Variants in PPA1 observed in about 807,000 individuals in gnomAD.
PPA1 encodes the protein inorganic pyrophosphatase 1, also known as inorganic pyrophosphatase.
A neutral mutation model predicts 41.8 loss-of-function variants in PPA1; 23 were observed. The ratio of observed to expected loss-of-function variants is 0.55; its 90% CI spans 0.40 to 0.78. PPA1 has a LOEUF of 0.78. Ranked by LOEUF, PPA1 falls within the 30% of genes least tolerant of loss-of-function variation. The probability of loss-of-function intolerance (pLI) is 0.00; values close to 1 mark genes in which losing one functional copy is unlikely to be tolerated. For synonymous variants in PPA1, 101 were observed against 116.8 expected (o/e 0.86, Z 0.87); for missense variants, 320 against 361.6 (o/e 0.89, Z 0.93).
chr10:70,216,976 G>A (rs1840088004), intron 4 of PPA1, among the ~76,000 whole-genome samples: 1 of 152,018 alleles, frequency 6.6e-6, no homozygotes, highest in Admixed American at 6.6e-5. Flanking sequence ...AGACCATCTG[G>A]CTAACACAGT....
chr10:70,213,930 A>G (rs1840049679), intron 5 of PPA1, among the ~76,000 whole-genome samples: 1 of 152,234 alleles, frequency 6.6e-6, no homozygotes, highest in African/African-American at 2.4e-5. Flanking sequence ...TTTATTTTAT[A>G]AAAGTCATGA....
At position 70,209,288 on chromosome 10, in the gene PPA1, G is replaced by A; in HGVS notation, c.642C>T (p.Asp214=). The A allele has an allele frequency of 6.3e-7, 1 of 1,579,872 alleles. No homozygotes were observed. The highest frequency in any genetic ancestry group is 8.7e-7 in the Non-Finnish European group (1 of 1,151,788). ...FAFNAEFKDK[D]FAIDIIKSTH... ...TGCTTTTAATAATATCAATGGCAAA[G>A]TCCTATAATTTGAAGAGGTTTGCAT... Residue 214 remains aspartate, a splice_region_variant and synonymous_variant, in exon 8 of 11, where the codon GAC becomes GAT. Coordinates refer to ENST00000373232, the MANE Select transcript of PPA1 (RefSeq NM_021129.4).
chr10:70,213,758 C>T (rs1840047726), intron 5 of PPA1, among the ~76,000 whole-genome samples, 169 bp from the exon 6 acceptor site: 1 of 151,982 alleles, frequency 6.6e-6, no homozygotes, highest in Non-Finnish European at 1.5e-5. Context: ...TTTCATCAGT[C>T]CTATTAAAGT....
At chr10:70,213,073 G>A (rs973776117) in intron 6 of PPA1, among the ~76,000 whole-genome samples, 2 of 152,166 alleles carry the variant, frequency 1.3e-5, no homozygotes, top group Non-Finnish European at 2.9e-5. Flanking sequence ...GAAATGTTCT[G>A]CAATTAGAGA....
At chr10:70,221,126 G>A (rs1243838296) in intron 2 of PPA1, among the ~76,000 whole-genome samples, 3 of 100,678 alleles carry the variant, frequency 3.0e-5, no homozygotes, top group African/African-American at 1.4e-4. Context: ...TGTTACCCCA[G>A]ACTGGTAAAG....
chr10:70,233,304 C>G lies in PPA1; in HGVS notation c.24G>C (p.Glu8Asp). 2.6e-6 allele frequency: 4 copies of G among 1,541,684 alleles called. No individual in the cohort carries two copies. Among genetic ancestry groups the G allele is most frequent in the South Asian group, 2.4e-5 (2 of 82,896 alleles). The change falls in exon 1 of 11, where the codon GAG becomes GAC. Residue 8 changes from glutamate (E) to aspartate (D), a missense_variant. By Grantham distance (45) the Glu-to-Asp change is conservative. Coordinates refer to ENST00000373232, the MANE Select transcript of PPA1 (RefSeq NM_021129.4). The part of the protein sequence containing the change: MSGFSTE[E>D]RAAPFSLEYR... The stretch of plus-strand genomic sequence containing the variant: ...ACTCCAGGGAGAAGGGCGCGGCGCG[C>G]TCCTCGGTGCTGAAGCCGCTCATAG...
intron 2 of PPA1, among the ~76,000 whole-genome samples, chr10:70,221,017 T>TTA (rs1443934931): frequency 2.8e-5 from 2 of 71,510 alleles, no homozygotes; most frequent in South Asian, 7.3e-4. Flanking sequence ...TATATATAAT[T>TTA]TATATATATA....
At chr10:70,226,709 T>C (rs1840233875) in intron 2 of PPA1, among the ~76,000 whole-genome samples, 1 of 152,228 alleles carries the variant, frequency 6.6e-6, no homozygotes. Flanking sequence ...GCATTTCCAG[T>C]TGTCAAACTT....
chr10:70,211,668 G>A (rs563570110), intron 6 of PPA1, among the ~76,000 whole-genome samples: 19 of 152,152 alleles, frequency 1.2e-4, no homozygotes, highest in Non-Finnish European at 2.6e-4. Context: ...CAGCCACCCC[G>A]AGAAAGTTTT....
intron 2 of PPA1, among the ~76,000 whole-genome samples, chr10:70,225,075 A>G (rs1472813285): frequency 6.6e-6 from 1 of 152,196 alleles, no homozygotes. Flanking sequence ...TCGATGAACT[A>G]TACTACAGAA....
In PPA1 at chr10:70,226,172, A is replaced by C. The variant is rs1840228210; in HGVS notation, c.123+4169T>G. ...AGTAATACTCATTTGTTTTCCAGTT[A>C]CATAGATTTTCTACTCATTGCAGCT... is the stretch of plus-strand genomic sequence containing the variant. On this transcript the variant is annotated intron_variant, in intron 2 of 10. Coordinates refer to ENST00000373232, the MANE Select transcript of PPA1 (RefSeq NM_021129.4). Among the ~76,000 whole-genome samples, 4 of 152,370 alleles carry C rather than the reference A, an allele frequency of 2.6e-5. No homozygotes were observed. The South Asian group carries it at 8.3e-4, about 32-fold the overall frequency.
chr10:70,212,242 G>T (rs756884112), intron 6 of PPA1, among the ~76,000 whole-genome samples: 1 of 152,166 alleles, frequency 6.6e-6, no homozygotes, highest in African/African-American at 2.4e-5. Context: ...TCATTTATTT[G>T]TCAGTATAGA....
At position 70,228,327 on chromosome 10, in the gene PPA1, C is replaced by T. The variant is rs142338919; in HGVS notation, c.123+2014G>A. 3.3e-5 allele frequency among the ~76,000 whole-genome samples: 5 copies of T among 152,282 alleles called. No individual in the cohort carries two copies. The East Asian group carries it at 5.8e-4, about 18-fold the overall frequency. On this transcript the variant is annotated intron_variant, in intron 2 of 10. Transcript: ENST00000373232. ...GCAGCAATAAGAGTAGGTACCAAAA[C>T]ATCTATGATCATTCTGGTCCTTGGT...
chr10:70,226,335 G>T (rs1840230584), intron 2 of PPA1, among the ~76,000 whole-genome samples: 1 of 152,214 alleles, frequency 6.6e-6, no homozygotes, highest in Non-Finnish European at 1.5e-5. Flanking sequence ...AGCACTTTGG[G>T]AGCTGAGGTG....
In PPA1 at chr10:70,223,217, A is replaced by AAGAGAG. The variant is rs10686040; in HGVS notation, c.124-4406_124-4401dup. Among the ~76,000 whole-genome samples the AAGAGAG allele has an allele frequency of 9.2e-3, 1,373 of 148,740 alleles. 23 individuals are homozygous for AAGAGAG. Among genetic ancestry groups the AAGAGAG allele is most frequent in the African/African-American group, 0.026 (1,047 of 40,374 alleles). ...CTGTCTCTTAAAAAACATTTTTTTA[A>AAGAGAG]AGAGAGAGAGAGAGAGAGACGGGGT... On this transcript the variant is annotated intron_variant, in intron 2 of 10. Coordinates refer to ENST00000373232, the MANE Select transcript of PPA1 (RefSeq NM_021129.4).
intron 10 of PPA1, 177 bp downstream of exon 10, chr10:70,204,696 G>A (rs1167272643): frequency 1.9e-5 from 10 of 529,298 alleles, no homozygotes; most frequent in East Asian, 6.4e-5. Flanking sequence ...AAGTATGTGA[G>A]GTAATGATTT....
At position 70,203,167 on chromosome 10, in the gene PPA1, G is replaced by A; in HGVS notation, c.858C>T (p.His286=). Residue 286 remains histidine (H), a synonymous_variant, in exon 11 of 11, where the codon CAC becomes CAT. Coordinates refer to ENST00000373232, the MANE Select transcript of PPA1 (RefSeq NM_021129.4). ...CAGAGAAATCTCATTAGTTTTTCTG[G>A]TGATGGAACCACTTATCCACTGTAT... ...VPTDVDKWFH[H]QKN The A allele has an allele frequency of 1.2e-6, 2 of 1,609,410 alleles. No individual in the cohort carries two copies. Among genetic ancestry groups the A allele is most frequent in the South Asian group, 1.1e-5 (1 of 90,962 alleles).
chr10:70,225,977 G>T (rs10509321), intron 2 of PPA1, among the ~76,000 whole-genome samples: 1 of 152,026 alleles, frequency 6.6e-6, no homozygotes, highest in Non-Finnish European at 1.5e-5. Context: ...TACGATGACC[G>T]AAGTTCACAC....
intron 2 of PPA1, among the ~76,000 whole-genome samples, chr10:70,224,951 G>A (rs1399809194): frequency 2.0e-5 from 3 of 152,080 alleles, no homozygotes; most frequent in Non-Finnish European, 2.9e-5. Context: ...GGCTGGTCTC[G>A]AGCTCCCGAC....
Sources: gnomAD v4.1 joint callset for allele counts (sites outside exome capture counted in the v4.1 genomes callset) on GRCh38, gnomAD v4.1.1 for gene constraint, MANE v1.5 for transcripts, NCBI Gene and HGNC (gene_info 2026-07-23, HGNC 2026-07-21) for gene names.